Variants in DPP6 observed in about 807,000 individuals in gnomAD.
DPP6 encodes A-type potassium channel modulatory protein DPP6.
In DPP6, 69 loss-of-function variants were observed where a neutral mutation model predicts 122.6. That is an observed-to-expected ratio of 0.56 (90% CI 0.46 to 0.69). The LOEUF is 0.69. DPP6 is among the 30% of genes least tolerant of loss of function. The pLI is 0.00. For synonymous variants in DPP6, 418 were observed against 433.1 expected, an observed-to-expected ratio of 0.97 and a Z score of 0.43; for missense variants, 928 against 1,116.9, an observed-to-expected ratio of 0.83 and a Z score of 2.41.
chr7:154,606,148 C>A (rs1361525765), intron 5 of DPP6, among the ~76,000 whole-genome samples: 1 of 120,046 alleles, frequency 8.3e-6, no homozygotes, highest in African/African-American at 2.6e-5. Context: ...CTTCAATTGG[C>A]CACTGGCTTA....
At chr7:154,121,516 G>A (rs1807465725) in intron 1 of DPP6, among the ~76,000 whole-genome samples, 1 of 152,110 alleles carries the variant, frequency 6.6e-6, no homozygotes, top group Non-Finnish European at 1.5e-5. Flanking sequence ...TTCCCTTGTG[G>A]TTTCCTCCTT....
At chr7:154,279,913 C>T (rs1372534022) in intron 1 of DPP6, among the ~76,000 whole-genome samples, 5 of 152,124 alleles carry the variant, frequency 3.3e-5, no homozygotes, top group African/African-American at 1.2e-4. Flanking sequence ...TTTTTTTACC[C>T]ATTGAGATAA....
At chr7:154,544,092 T>A (rs1026801378) in intron 4 of DPP6, among the ~76,000 whole-genome samples, 2 of 147,362 alleles carry the variant, frequency 1.4e-5, no homozygotes, top group East Asian at 3.9e-4. Flanking sequence ...TTCTTTTGTT[T>A]TATATATATA....
chr7:154,275,220 A>G (rs182146556), intron 1 of DPP6, among the ~76,000 whole-genome samples: 3 of 152,352 alleles, frequency 2.0e-5, no homozygotes, highest in East Asian at 1.9e-4. Context: ...TTTCCCCAGC[A>G]GCAGCTCTGA....
the DPP6 span, among the ~76,000 whole-genome samples, chr7:153,804,957 TG>T: frequency 1.3e-5 from 2 of 152,120 alleles, no homozygotes; most frequent in Non-Finnish European, 2.9e-5. Context: ...GACATTGTAC[TG>T]GGAAAAAAAT....
At chr7:154,432,470 G>A (rs1243827505) in intron 1 of DPP6, among the ~76,000 whole-genome samples, 1 of 152,194 alleles carries the variant, frequency 6.6e-6, no homozygotes, top group Admixed American at 6.5e-5. Flanking sequence ...GTGGGACAAT[G>A]AGATAGCCTT....
At chr7:154,070,018 C>G (rs567253776) in intron 1 of DPP6, among the ~76,000 whole-genome samples, 1 of 151,340 alleles carries the variant, frequency 6.6e-6, no homozygotes, top group Non-Finnish European at 1.5e-5. Flanking sequence ...TGCCACTGCA[C>G]TCCAGTCTGG....
the DPP6 span, among the ~76,000 whole-genome samples, chr7:153,834,015 G>A: frequency 0.28 from 43,055 of 151,994 alleles, 6,455 homozygotes; most frequent in African/African-American, 0.38. Context: ...GGCCAGGTGC[G>A]GTGGCTCATG....
At chr7:154,031,118 C>T (rs1392073083) in intron 1 of DPP6, among the ~76,000 whole-genome samples, 37 of 152,170 alleles carry the variant, frequency 2.4e-4, no homozygotes, top group African/African-American at 4.1e-4. Flanking sequence ...TCCCCCAGGG[C>T]GAATACAATC....
chr7:154,121,441 A>G (rs1480124219), intron 1 of DPP6, among the ~76,000 whole-genome samples: 1 of 152,146 alleles, frequency 6.6e-6, no homozygotes, highest in African/African-American at 2.4e-5. Context: ...TTTTTATTGC[A>G]TTCCCTAAGT....
chr7:154,010,324 A>G (rs1308607471), intron 1 of DPP6, among the ~76,000 whole-genome samples: 2 of 152,262 alleles, frequency 1.3e-5, no homozygotes, highest in Non-Finnish European at 2.9e-5. Flanking sequence ...TTATAGACAC[A>G]TACAACGGAA....
intron 1 of DPP6, among the ~76,000 whole-genome samples, chr7:154,281,610 C>G (rs1249304785): frequency 1.3e-5 from 2 of 152,176 alleles, no homozygotes; most frequent in African/African-American, 4.8e-5. Flanking sequence ...TTTACCACCA[C>G]TGACTATGTA....
chr7:154,433,335 GTT>G (rs1288670384), intron 1 of DPP6, among the ~76,000 whole-genome samples: 5 of 9,492 alleles, frequency 5.3e-4, no homozygotes, highest in African/African-American at 2.0e-3. Flanking sequence ...CATTTTTTTT[GTT>G]TTTGTTTTTT....
At chr7:154,060,771 CTGG>C (rs1801713358) in intron 1 of DPP6, among the ~76,000 whole-genome samples, 1 of 135,828 alleles carries the variant, frequency 7.4e-6, no homozygotes, top group South Asian at 2.4e-4. Context: ...TCTTCCCCCC[CTGG>C]CTCTTAGGAC....
rs548950383 is a variant in DPP6, at chr7:154,099,796, TC to T, written c.243+46734del. Among the ~76,000 whole-genome samples, 53 of 131,618 alleles carry T rather than the reference TC, an allele frequency of 4.0e-4. No individual in the cohort carries two copies. The South Asian group carries it at 0.015, about 36-fold the overall frequency. 86.3% of individuals were successfully genotyped at this position (131,618 alleles called of 152,430 possible). On this transcript the variant is annotated intron_variant, in intron 1 of 25. Coordinates refer to ENST00000377770, the MANE Select transcript of DPP6 (RefSeq NM_130797.4). ...AGGGTGTGAAGGAAGAGACTCCTAATCTGAGATGGATCTCTGGGATGAATGG... is the reference window on the plus strand; with the variant it reads ...AGGGTGTGAAGGAAGAGACTCCTAATTGAGATGGATCTCTGGGATGAATGG...
chr7:153,920,264 TC>T (rs1800567086), intron 1 of DPP6, among the ~76,000 whole-genome samples: 1 of 152,232 alleles, frequency 6.6e-6, no homozygotes, highest in African/African-American at 2.4e-5. Context: ...TTTTATAACT[TC>T]CCTTGAAGCA....
chr7:154,100,613 C>A (rs1805662575), intron 1 of DPP6, among the ~76,000 whole-genome samples: 1 of 84,372 alleles, frequency 1.2e-5, no homozygotes, highest in Admixed American at 1.3e-4. Flanking sequence ...GGGGCAAGAC[C>A]ATCTGCTCTG....
At chr7:154,686,559 C>T (rs1839618220) in intron 7 of DPP6, among the ~76,000 whole-genome samples, 1 of 152,246 alleles carries the variant, frequency 6.6e-6, no homozygotes, top group East Asian at 1.9e-4. Flanking sequence ...CCTCTAAAAT[C>T]TTTGCAGGTT....
At chr7:154,294,677 G>A (rs1352168288) in intron 1 of DPP6, among the ~76,000 whole-genome samples, 1 of 152,212 alleles carries the variant, frequency 6.6e-6, no homozygotes, top group African/African-American at 2.4e-5. Context: ...CAGAAGGCAT[G>A]GAGGGGAGCA....
Sources: allele counts gnomAD v4.1 joint callset (sites outside exome capture counted in the v4.1 genomes callset), GRCh38; gene constraint gnomAD v4.1.1; transcripts MANE v1.5; gene names NCBI Gene and HGNC (gene_info 2026-07-23, HGNC 2026-07-21).